The following CUX1 variants were observed in gnomAD, a reference collection of about 807,000 sequenced individuals.
CUX1 encodes the protein cut like homeobox 1, also known as protein CASP.
Under a neutral mutation model 158.8 loss-of-function variants are expected in CUX1, and 31 were observed. The observed-to-expected ratio is 0.20, with a 90% CI of 0.15 to 0.26. The LOEUF (loss-of-function observed/expected upper bound fraction) is 0.26. Among genes scored for constraint, CUX1 ranks in the 10% least tolerant of loss-of-function variants. The pLI, the probability that CUX1 is intolerant of heterozygous loss-of-function variation, is 1.00. For missense variants in CUX1, 1,589 were observed against 2,014.6 expected, an observed-to-expected ratio of 0.79 and a Z score of 4.04; for synonymous variants, 879 against 862.1, an observed-to-expected ratio of 1.02 and a Z score of -0.34.
In CUX1 at chr7:101,854,902, A is replaced by G. The variant is rs546911827; in HGVS notation, c.30+37233A>G. ...TGGGACTACAGGCATGTGCCACCAC[A>G]CCCAGCTAATTTTGTATTTTTAGTA... On this transcript the variant is annotated intron_variant, in intron 1 of 23. Transcript: ENST00000292535. 2.0e-5 allele frequency among the ~76,000 whole-genome samples: 3 copies of G among 152,222 alleles called. No individual in the cohort carries two copies. In the South Asian group the frequency reaches 6.2e-4, roughly 32 times the overall value.
At chr7:102,225,749 C>T (rs1490856443) in intron 20 of CUX1, among the ~76,000 whole-genome samples, 1 of 152,178 alleles carries the variant, frequency 6.6e-6, no homozygotes, top group African/African-American at 2.4e-5. Flanking sequence ...CAGCTACTTG[C>T]AAGGCTGAGG....
At chr7:102,031,328 G>C (rs1220695733) in intron 3 of CUX1, among the ~76,000 whole-genome samples, 3 of 152,160 alleles carry the variant, frequency 2.0e-5, no homozygotes, top group African/African-American at 2.4e-5. Context: ...CAGAGTGAGT[G>C]CTGGGATTAC....
chr7:102,068,245 AC>A (rs34718028), intron 3 of CUX1, among the ~76,000 whole-genome samples: 22,037 of 151,254 alleles, frequency 0.15, 1,681 homozygotes, highest in Middle Eastern at 0.22. Flanking sequence ...GTGCATTGCC[AC>A]CCCGCCCAGC....
chr7:102,131,604 T>C (rs545485735), intron 8 of CUX1, among the ~76,000 whole-genome samples: 2 of 151,866 alleles, frequency 1.3e-5, no homozygotes, highest in African/African-American at 2.4e-5. Flanking sequence ...TAGAAGCCAG[T>C]AGAATCAGAG....
chr7:102,179,733 G>A (rs1554513369), intron 11 of CUX1, among the ~76,000 whole-genome samples: 1 of 152,218 alleles, frequency 6.6e-6, no homozygotes, highest in East Asian at 1.9e-4. Context: ...CAGAGCCAGG[G>A]GAGACTCTCG....
rs1801095274 is a variant in CUX1 at position 102,248,656 on chromosome 7, T to C, written c.4132T>C (p.Ser1378Pro). The change falls in exon 24 of 24, where the codon TCG becomes CCG. Residue 1378 changes from serine (S) to proline (P), a missense_variant. Ser to Pro is a moderately conservative substitution (Grantham distance 74, BLOSUM62 -1). Coordinates refer to ENST00000292535, the MANE Select transcript of CUX1 (RefSeq NM_181552.4). This position sits in a 1 kb window ranked among gnomAD's most constrained non-coding sequence, Gnocchi z 5.8. ...RPAEQTEPPP[S>P]GTPGPDDARD... ...GGCGGAGCAGACGGAGCCGCCGCCC[T>C]CGGGGACCCCGGGCCCGGACGACGC... 3 of 1,358,110 alleles carry C rather than the reference T, an allele frequency of 2.2e-6. No homozygotes were observed. Among genetic ancestry groups the C allele is most frequent in the Admixed American group, 7.2e-5 (2 of 27,646 alleles). The allele number at this position is 1,358,110 out of a possible 1,614,324, so 84.1% of individuals were successfully genotyped here. A position where few individuals can be genotyped will look rare whatever the true frequency, so the allele number is the denominator to read the frequency against.
intron 3 of CUX1, among the ~76,000 whole-genome samples, chr7:102,069,329 G>A (rs959609711): frequency 1.3e-5 from 2 of 152,056 alleles, no homozygotes; most frequent in East Asian, 1.9e-4. Context: ...ATATGTATCC[G>A]CGTTCCCACC....
intron 11 of CUX1, among the ~76,000 whole-genome samples, chr7:102,181,002 C>T (rs146685756): frequency 1.7e-4 from 25 of 151,210 alleles, no homozygotes; most frequent in African/African-American, 5.6e-4. Context: ...GGTGCGATGG[C>T]GCCATCTCCA....
At position 101,916,315 on chromosome 7, in the gene CUX1, T is replaced by C. The variant is rs1804200759; in HGVS notation, c.141+90T>C. 1 of 846,566 alleles carries C rather than the reference T, an allele frequency of 1.2e-6. No homozygotes were observed. Among genetic ancestry groups the C allele is most frequent in the South Asian group, 1.4e-5 (1 of 73,622 alleles). 52.4% of individuals were successfully genotyped at this position (846,566 alleles called of 1,614,324 possible). A position where few individuals can be genotyped will look rare whatever the true frequency, so the allele number is the denominator to read the frequency against. ...ACGCTCCGTGAGCGTTTCATTTTCA[T>C]CAGATGAACGCACGGCCGGCAAACA... is the stretch of plus-strand genomic sequence containing the variant. On this transcript the variant is annotated intron_variant, in intron 2 of 23. Transcript: ENST00000292535. This position sits in a 1 kb window ranked among gnomAD's most constrained non-coding sequence, Gnocchi z 4.4.
chr7:101,832,760 T>TG, intron 1 of CUX1, among the ~76,000 whole-genome samples: 1 of 152,270 alleles, frequency 6.6e-6, no homozygotes, highest in East Asian at 1.9e-4. Flanking sequence ...TACCTACTGC[T>TG]GGGGGGCTCC....
At chr7:102,228,416 C>T (rs1158244831) in intron 21 of CUX1, among the ~76,000 whole-genome samples, 1 of 152,020 alleles carries the variant, frequency 6.6e-6, no homozygotes. Flanking sequence ...CCCAGCTACT[C>T]AGGAGCCTAA....
At chr7:102,198,905 C>T (rs1795088469) in intron 16 of CUX1, 38 bp downstream of exon 16, 1 of 1,573,236 alleles carries the variant, frequency 6.4e-7, no homozygotes, top group Non-Finnish European at 8.8e-7. Flanking sequence ...CAGTCAGTCA[C>T]CTAGGGAAGC....
intron 14 of CUX1, among the ~76,000 whole-genome samples, chr7:102,268,273 G>A (rs1474165372): frequency 2.6e-5 from 4 of 152,072 alleles, no homozygotes; most frequent in Non-Finnish European, 5.9e-5. Flanking sequence ...ATCCCCTCTC[G>A]GGCACACGTT....
intron 8 of CUX1, among the ~76,000 whole-genome samples, chr7:102,139,015 C>T (rs1187432531): frequency 6.6e-6 from 1 of 152,076 alleles, no homozygotes; most frequent in East Asian, 1.9e-4. Flanking sequence ...GAGATCAAGG[C>T]AGGCGGATCA....
At chr7:102,145,701 C>T (rs958175991) in intron 8 of CUX1, among the ~76,000 whole-genome samples, 21 of 152,162 alleles carry the variant, frequency 1.4e-4, no homozygotes, top group Admixed American at 1.4e-3. Flanking sequence ...AATCCCAACA[C>T]TTTGGGAGGC....
chr7:102,039,090 TAAAG>T lies in CUX1; in HGVS notation c.189+10949_189+10952del, dbSNP rs150104569. Among the ~76,000 whole-genome samples the T allele has an allele frequency of 7.4e-4, 113 of 152,296 alleles. 2 individuals are homozygous for T. In the East Asian group the frequency reaches 0.02, roughly 28 times the overall value. On this transcript the variant is annotated intron_variant, in intron 3 of 23. Transcript: ENST00000292535. ...AAACTTTGTTGTAACAAAAGATTAA[TAAAG>T]AAAAGCATATGGATTTATTTGCTGA...
intron 2 of CUX1, among the ~76,000 whole-genome samples, chr7:102,003,146 G>C (rs1016787219): frequency 2.6e-5 from 4 of 151,958 alleles, no homozygotes; most frequent in African/African-American, 9.7e-5. Context: ...TGATCTGCCC[G>C]CCTCGGCCTC....
intron 23 of CUX1, among the ~76,000 whole-genome samples, chr7:102,241,035 G>T (rs1211897057): frequency 6.6e-6 from 1 of 152,140 alleles, no homozygotes; most frequent in Non-Finnish European, 1.5e-5. Context: ...GGCCAGGCTG[G>T]TCTCGAACTC....
chr7:102,230,573 C>T (rs1291328656), intron 21 of CUX1, among the ~76,000 whole-genome samples: 1 of 151,926 alleles, frequency 6.6e-6, no homozygotes, highest in Non-Finnish European at 1.5e-5. Flanking sequence ...GGAGGTTAGG[C>T]CAGCTTGTCC....
Sources: gnomAD v4.1 joint callset for allele counts (sites outside exome capture counted in the v4.1 genomes callset) on GRCh38, gnomAD v4.1.1 for gene constraint, Gnocchi (gnomAD v3.1) non-coding constraint, MANE v1.5 for transcripts, NCBI Gene and HGNC (gene_info 2026-07-23, HGNC 2026-07-21) for gene names.